Variants in FSTL4 observed in about 807,000 individuals in gnomAD.
FSTL4 encodes follistatin-related protein 4.
In FSTL4, 28 loss-of-function variants were observed where a neutral mutation model predicts 78.2. The ratio of observed to expected loss-of-function variants is 0.36; its 90% CI spans 0.27 to 0.49. The LOEUF (loss-of-function observed/expected upper bound fraction) is 0.49, where lower values mean the gene tolerates loss of function less well. Ranked by LOEUF, FSTL4 falls within the 20% of genes least tolerant of loss-of-function variation. The pLI, the probability that FSTL4 is intolerant of heterozygous loss-of-function variation, is 0.98. For synonymous variants in FSTL4, 422 were observed against 440.5 expected, an observed-to-expected ratio of 0.96 and a Z score of 0.53; for missense variants, 922 against 1,084.9, an observed-to-expected ratio of 0.85 and a Z score of 2.11.
the FSTL4 span, among the ~76,000 whole-genome samples, chr5:133,689,975 T>A: frequency 1.3e-5 from 2 of 152,086 alleles, no homozygotes; most frequent in Non-Finnish European, 2.9e-5. Flanking sequence ...GCAGGAGAAT[T>A]GCTCGAACCC....
intron 4 of FSTL4, among the ~76,000 whole-genome samples, chr5:133,349,777 A>G (rs1020230471): frequency 3.9e-4 from 55 of 141,826 alleles, no homozygotes; most frequent in African/African-American, 1.4e-3. Flanking sequence ...TCATGCTGCC[A>G]TGTGACTGTA....
At chr5:133,737,492 T>C in the FSTL4 span, among the ~76,000 whole-genome samples, 2 of 152,244 alleles carry the variant, frequency 1.3e-5, no homozygotes, top group African/African-American at 4.8e-5. Flanking sequence ...CACATATTCT[T>C]TATTCATTTA....
the FSTL4 span, among the ~76,000 whole-genome samples, chr5:133,657,202 A>C: frequency 6.6e-6 from 1 of 152,068 alleles, no homozygotes; most frequent in Non-Finnish European, 1.5e-5. Context: ...TTTCCTTGCC[A>C]CTCAAGGAAA....
At chr5:133,549,074 T>C (rs937904339) in intron 3 of FSTL4, among the ~76,000 whole-genome samples, 8 of 152,322 alleles carry the variant, frequency 5.3e-5, no homozygotes, top group African/African-American at 1.9e-4. Flanking sequence ...TAGATAGCCT[T>C]ACGTTTCTTT....
the FSTL4 span, among the ~76,000 whole-genome samples, chr5:133,773,257 CAAAA>C: frequency 7.8e-6 from 1 of 128,596 alleles, no homozygotes; most frequent in Non-Finnish European, 1.7e-5. Flanking sequence ...TTCATATGAC[CAAAA>C]AAAAAAAAAA....
At chr5:133,815,006 C>T in the FSTL4 span, among the ~76,000 whole-genome samples, 4 of 152,180 alleles carry the variant, frequency 2.6e-5, no homozygotes, top group African/African-American at 9.7e-5. Flanking sequence ...CAGGGCCTCA[C>T]CACAGAACAA....
intron 3 of FSTL4, among the ~76,000 whole-genome samples, chr5:133,413,093 T>C (rs867484871): frequency 6.6e-6 from 1 of 152,136 alleles, no homozygotes; most frequent in African/African-American, 2.4e-5. Context: ...TTCTACTGTT[T>C]ATCTCAAATT....
In FSTL4 at chr5:133,364,883, CAG is replaced by C. The variant is rs1173657159; in HGVS notation, c.409+35853_409+35854del. On this transcript the variant is annotated intron_variant, in intron 4 of 15. Transcript: ENST00000265342. ...CTAGCATTCTTTATCTTGGCTTAAT[CAG>C]AGTCATTTTTGATGTTCATCCCCCT... 2.0e-5 allele frequency among the ~76,000 whole-genome samples: 3 copies of C among 152,196 alleles called. No homozygotes were observed. The East Asian group carries it at 5.8e-4, about 29-fold the overall frequency.
At chr5:133,594,202 G>C (rs1760694423) in intron 2 of FSTL4, among the ~76,000 whole-genome samples, 1 of 148,490 alleles carries the variant, frequency 6.7e-6, no homozygotes, top group African/African-American at 2.5e-5. Flanking sequence ...AGCCTACTTT[G>C]TTTTTATTGA....
At chr5:133,310,382 T>C (rs1753751673) in intron 6 of FSTL4, among the ~76,000 whole-genome samples, 1 of 152,222 alleles carries the variant, frequency 6.6e-6, no homozygotes, top group African/African-American at 2.4e-5. Context: ...GTATGAGACA[T>C]GTGGCTGGAG....
At position 133,366,516 on chromosome 5, in the gene FSTL4, C is replaced by A. The variant is rs142103921; in HGVS notation, c.409+34222G>T. ...CAATCCATGTTTACTGACAGAGTGACAGTGACATGCAATTTATTTTTTTAA... is the reference window on the plus strand; with the variant it reads ...CAATCCATGTTTACTGACAGAGTGAAAGTGACATGCAATTTATTTTTTTAA... On this transcript the variant is annotated intron_variant, in intron 4 of 15. Transcript: ENST00000265342. 2.1e-3 allele frequency among the ~76,000 whole-genome samples: 323 copies of A among 152,190 alleles called. 2 individuals are homozygous for A. Among genetic ancestry groups the A allele is most frequent in the African/African-American group, 7.0e-3 (291 of 41,516 alleles).
chr5:133,296,476 G>T (rs542246392), intron 6 of FSTL4, among the ~76,000 whole-genome samples: 2 of 152,276 alleles, frequency 1.3e-5, no homozygotes, highest in South Asian at 2.1e-4. Context: ...GCTTAGGTTA[G>T]CTTCCAGGGG....
At chr5:133,210,119 A>G (rs1435558948) in intron 14 of FSTL4, 72 bp downstream of exon 14, 3 of 798,826 alleles carry the variant, frequency 3.8e-6, no homozygotes, top group Non-Finnish European at 6.5e-6. Flanking sequence ...GAAGCAGGAG[A>G]TACTTATTTT....
intron 3 of FSTL4, among the ~76,000 whole-genome samples, chr5:133,487,431 A>G (rs1210738558): frequency 6.6e-6 from 1 of 152,184 alleles, no homozygotes; most frequent in Non-Finnish European, 1.5e-5. Context: ...CATCACTCAC[A>G]AAGTCCCTGC....
chr5:133,357,944 C>T (rs1754977013), intron 4 of FSTL4, among the ~76,000 whole-genome samples: 1 of 152,210 alleles, frequency 6.6e-6, no homozygotes, highest in African/African-American at 2.4e-5. Flanking sequence ...AGTGCTGGTG[C>T]CCACTCAGGA....
At position 133,220,234 on chromosome 5, in the gene FSTL4, A is replaced by G. The variant is rs552341665; in HGVS notation, c.1458+514T>C. 3.9e-5 allele frequency among the ~76,000 whole-genome samples: 6 copies of G among 152,380 alleles called. No individual in the cohort carries two copies. In the South Asian group the frequency reaches 1.2e-3, roughly 32 times the overall value. ...GTCCTGTCCTCAAGGAGCGCAGGGT[A>G]TCCTGCAAGGCCAAGTGGGAAACAA... On this transcript the variant is annotated intron_variant, in intron 12 of 15. Transcript: ENST00000265342.
intron 11 of FSTL4, 61 bp downstream of exon 11, chr5:133,224,128 GC>G: frequency 7.4e-7 from 1 of 1,359,010 alleles, no homozygotes; most frequent in Non-Finnish European, 1.0e-6. Flanking sequence ...TGGAAAGACG[GC>G]CCATCATAGA....
At chr5:133,802,992 C>G in the FSTL4 span, among the ~76,000 whole-genome samples, 1 of 152,198 alleles carries the variant, frequency 6.6e-6, no homozygotes, top group Non-Finnish European at 1.5e-5. Flanking sequence ...CCTGGAGTTG[C>G]TAGCAGCCAT....
the FSTL4 span, among the ~76,000 whole-genome samples, chr5:133,744,526 C>T: frequency 9.2e-5 from 14 of 152,286 alleles, no homozygotes; most frequent in East Asian, 1.2e-3. Context: ...AGTGTGTGGG[C>T]GATGACACCA....
Sources: gnomAD v4.1 joint callset for allele counts (sites outside exome capture counted in the v4.1 genomes callset) on GRCh38, gnomAD v4.1.1 for gene constraint, MANE v1.5 for transcripts, NCBI Gene and HGNC (gene_info 2026-07-23, HGNC 2026-07-21) for gene names.